Variants in CADPS observed in about 807,000 individuals in gnomAD.
The protein encoded by CADPS is calcium dependent secretion activator.
In CADPS, 57 loss-of-function variants were observed where a neutral mutation model predicts 167.3. That is an observed-to-expected ratio of 0.34 (90% CI 0.28 to 0.42). CADPS has a LOEUF of 0.42. CADPS is among the 20% of genes least tolerant of loss of function. The probability of loss-of-function intolerance (pLI) is 1.00; values close to 1 mark genes in which losing one functional copy is unlikely to be tolerated. For missense variants in CADPS, 1,414 were observed against 1,738.1 expected, an observed-to-expected ratio of 0.81 and a Z score of 3.32; for synonymous variants, 676 against 635.3, an observed-to-expected ratio of 1.06 and a Z score of -0.96.
At chr3:62,498,141 C>A (rs1296507929) in intron 18 of CADPS, 1 of 456,478 alleles carries the variant, frequency 2.2e-6, no homozygotes, top group Non-Finnish European at 4.4e-6. Flanking sequence ...GGTTTAGTCA[C>A]ATACCTCTTT....
intron 11 of CADPS, among the ~76,000 whole-genome samples, chr3:62,546,923 T>C (rs1170999545): frequency 6.6e-6 from 1 of 152,184 alleles, no homozygotes; most frequent in Non-Finnish European, 1.5e-5. Context: ...CCCTCATATC[T>C]AGACACTTTT....
intron 2 of CADPS, among the ~76,000 whole-genome samples, chr3:62,754,647 C>T (rs564555382): frequency 2.2e-4 from 34 of 152,242 alleles, no homozygotes; most frequent in African/African-American, 7.5e-4. Flanking sequence ...TGCCAATATG[C>T]CTCGATAATT....
Position 62,585,324 on chromosome 3 carries a change from C to A in CADPS, c.1438G>T (p.Val480Phe). The A allele has an allele frequency of 6.3e-7, 1 of 1,597,774 alleles. No individual in the cohort carries two copies. The change falls in exon 8 of 30, where the codon GTT (valine) becomes TTT (phenylalanine). Residue 480 changes from valine (V) to phenylalanine (F), a missense_variant and splice_region_variant. Physicochemically the swap from Val to Phe is conservative, Grantham distance 50. This residue lies in a region of CADPS where 157 missense variants were observed against 229.4 expected (regional missense o/e 0.68). Coordinates refer to ENST00000383710, the MANE Select transcript of CADPS (RefSeq NM_003716.4). ...LALEDKELGR[V>F]ILHPTPNSPK... ...CTGTTCGGGGTGGGATGGAGAATAA[C>A]CTGTAGGGGAAAAAGGACAAGCAAC... is the stretch of plus-strand genomic sequence containing the variant.
At chr3:62,595,788 T>C (rs575551910) in intron 6 of CADPS, among the ~76,000 whole-genome samples, 11 of 152,256 alleles carry the variant, frequency 7.2e-5, no homozygotes, top group African/African-American at 2.2e-4. Context: ...GATTAACATT[T>C]GAGTCAGTGG....
rs1014078070 is a variant in CADPS at position 62,420,438 on chromosome 3, A to C, written c.3778-17253T>G. On this transcript the variant is annotated intron_variant, in intron 28 of 29. Transcript: ENST00000383710. The surrounding 1 kb of genome is among the most constrained non-coding windows in gnomAD (Gnocchi z 4.1). ...ACATACAAGGACTGGGTGCAGGGACAATATTCAGATGGTGGTCCAGGAGCT... is the reference window on the plus strand; with the variant it reads ...ACATACAAGGACTGGGTGCAGGGACCATATTCAGATGGTGGTCCAGGAGCT... Among the ~76,000 whole-genome samples, 2 of 152,170 alleles carry C rather than the reference A, an allele frequency of 1.3e-5. No individual in the cohort carries two copies. The highest frequency in any genetic ancestry group is 4.8e-5 in the African/African-American group (2 of 41,456).
Position 62,804,862 on chromosome 3 carries a change from T to C in CADPS, c.442-38878A>G, listed in dbSNP as rs75064086. Among the ~76,000 whole-genome samples, 1,173 of 152,272 alleles carry C rather than the reference T, an allele frequency of 7.7e-3. 14 individuals carry two copies. Among genetic ancestry groups the C allele is most frequent in the African/African-American group, 0.027 (1,123 of 41,556 alleles). On this transcript the variant is annotated intron_variant, in intron 1 of 29. Transcript: ENST00000383710. ...GAAGTGCCATAGACACAGTATGTCC[T>C]GACCTTATAATGGGAAGAGGAGGAC...
chr3:62,506,911 T>G (rs953467006), intron 17 of CADPS, among the ~76,000 whole-genome samples: 6 of 152,198 alleles, frequency 3.9e-5, no homozygotes, highest in Non-Finnish European at 7.3e-5. Flanking sequence ...CTTCCCAAAC[T>G]TCAACCATTA....
chr3:62,405,968 T>C (rs1708333811), intron 28 of CADPS, among the ~76,000 whole-genome samples: 1 of 152,176 alleles, frequency 6.6e-6, no homozygotes, highest in Non-Finnish European at 1.5e-5. Flanking sequence ...CCACGTTATC[T>C]GTTGTAGAGG....
chr3:62,732,266 T>C (rs907580802), intron 3 of CADPS, among the ~76,000 whole-genome samples: 47 of 152,196 alleles, frequency 3.1e-4, no homozygotes, highest in African/African-American at 1.1e-3. Flanking sequence ...TAGAAAAGCC[T>C]GTGACTGCTG....
intron 6 of CADPS, chr3:62,626,541 G>A (rs189319376): frequency 1.4e-6 from 1 of 702,708 alleles, no homozygotes; most frequent in African/African-American, 1.7e-5. Flanking sequence ...GGCACTGTGA[G>A]GCAGTTGTTC....
chr3:62,566,043 A>T (rs891599090), intron 9 of CADPS, among the ~76,000 whole-genome samples: 1 of 152,194 alleles, frequency 6.6e-6, no homozygotes, highest in Non-Finnish European at 1.5e-5. Context: ...ATTGTGTTGG[A>T]AATTGTGTGC....
intron 27 of CADPS, among the ~76,000 whole-genome samples, chr3:62,442,407 C>T (rs138437123): frequency 7.2e-5 from 11 of 152,016 alleles, no homozygotes; most frequent in Admixed American, 1.3e-4. Context: ...TTAGTAGAGG[C>T]GGAGTTTCAC....
chr3:62,469,982 G>A (rs552779087), intron 24 of CADPS, among the ~76,000 whole-genome samples: 8 of 152,258 alleles, frequency 5.3e-5, no homozygotes, highest in African/African-American at 1.7e-4. Flanking sequence ...TGTGCTACAC[G>A]TTTTGCCTTG....
intron 21 of CADPS, among the ~76,000 whole-genome samples, chr3:62,482,893 C>A (rs887545298): frequency 1.3e-5 from 2 of 151,974 alleles, no homozygotes; most frequent in Non-Finnish European, 2.9e-5. Flanking sequence ...TGTTTTTGGA[C>A]AAAGATGGAT....
At chr3:62,724,784 T>C (rs1291160015) in intron 3 of CADPS, among the ~76,000 whole-genome samples, 1 of 152,222 alleles carries the variant, frequency 6.6e-6, no homozygotes, top group East Asian at 1.9e-4. Context: ...CACGAAACCT[T>C]CAAAAGATAG....
intron 24 of CADPS, among the ~76,000 whole-genome samples, chr3:62,472,443 T>C (rs2060738271): frequency 6.6e-6 from 1 of 152,152 alleles, no homozygotes; most frequent in East Asian, 1.9e-4. Flanking sequence ...GGGATCTCAA[T>C]GAACTTTTGA....
At chr3:62,786,432 A>G (rs1024056401) in intron 1 of CADPS, among the ~76,000 whole-genome samples, 6 of 152,006 alleles carry the variant, frequency 3.9e-5, no homozygotes, top group Admixed American at 3.3e-4. Context: ...GCTTAAGGTC[A>G]GGAGTTCAAG....
intron 3 of CADPS, among the ~76,000 whole-genome samples, chr3:62,743,535 G>T (rs1400058300): frequency 3.3e-5 from 5 of 152,086 alleles, no homozygotes; most frequent in Admixed American, 2.6e-4. Context: ...TAAAAATTTT[G>T]CCCAGCTAGG....
Position 62,716,843 on chromosome 3 carries a change from C to T in CADPS, c.888+36598G>A, listed in dbSNP as rs544452293. The stretch of plus-strand genomic sequence containing the variant: ...GATCTTGAAAAGCTAGTGTTCCTAT[C>T]CCAAATGGAACAGTTTTTCTACTTT... On this transcript the variant is annotated intron_variant, in intron 3 of 29. Transcript: ENST00000383710. Among the ~76,000 whole-genome samples, 3 of 152,278 alleles carry T rather than the reference C, an allele frequency of 2.0e-5. No individual in the cohort carries two copies. In the South Asian group the frequency reaches 6.2e-4, roughly 32 times the overall value.
Sources: allele counts gnomAD v4.1 joint callset (sites outside exome capture counted in the v4.1 genomes callset), GRCh38; gene constraint gnomAD v4.1.1; regional missense constraint gnomAD v4.1.1; non-coding constraint Gnocchi (gnomAD v3.1); transcripts MANE v1.5; gene names NCBI Gene and HGNC (gene_info 2026-07-23, HGNC 2026-07-21).